The following ADCY5 variants were observed in gnomAD, a reference collection of about 807,000 sequenced individuals.
ADCY5 encodes adenylate cyclase type 5.
In ADCY5, 30 loss-of-function variants were observed where a neutral mutation model predicts 119.7. That is an observed-to-expected ratio of 0.25 (90% CI 0.19 to 0.34). The LOEUF (loss-of-function observed/expected upper bound fraction) is 0.34. Among genes scored for constraint, ADCY5 ranks in the 10% least tolerant of loss-of-function variants. ADCY5 has a pLI of 1.00. For synonymous variants in ADCY5, 753 were observed against 762.2 expected (o/e 0.99, Z 0.20); for missense variants, 1,324 against 1,775.2 (o/e 0.75, Z 4.57).
chr3:123,327,564 G>A lies in ADCY5; in HGVS notation c.1947+54C>T, dbSNP rs1010644734. On this transcript the variant is annotated intron_variant, in intron 7 of 20. Coordinates refer to ENST00000462833, the MANE Select transcript of ADCY5 (RefSeq NM_183357.3). Reference sequence around the variant, plus strand: ...GAAGGAAGCAGCAGGTCACGAAAATGTTCCTCCCTGGAGGAAGGGAGCCCC... The same window carrying A: ...GAAGGAAGCAGCAGGTCACGAAAATATTCCTCCCTGGAGGAAGGGAGCCCC... 3.9e-6 allele frequency: 6 copies of A among 1,533,444 alleles called. No individual in the cohort carries two copies. The African/African-American group carries it at 4.1e-5, about 11-fold the overall frequency. 95.0% of individuals were successfully genotyped at this position (1,533,444 alleles called of 1,614,324 possible).
intron 12 of ADCY5, among the ~76,000 whole-genome samples, chr3:123,313,557 G>T (rs977120319): frequency 1.3e-5 from 2 of 152,314 alleles, no homozygotes; most frequent in East Asian, 1.9e-4. Context: ...TGAGGGAAAG[G>T]CCTGATGGGC....
chr3:123,355,311 T>C (rs199666387), intron 1 of ADCY5, among the ~76,000 whole-genome samples: 2 of 152,226 alleles, frequency 1.3e-5, no homozygotes, highest in East Asian at 1.9e-4. Flanking sequence ...TATGAGTAAA[T>C]ACCAATTGGA....
At position 123,414,564 on chromosome 3, in the gene ADCY5, C is replaced by CT. The variant is rs200866043; in HGVS notation, c.1134+32847dup. Among the ~76,000 whole-genome samples the CT allele has an allele frequency of 5.0e-3, 747 of 149,144 alleles. 6 individuals carry two copies. Among genetic ancestry groups the CT allele is most frequent in the African/African-American group, 0.017 (697 of 40,734 alleles). On this transcript the variant is annotated intron_variant, in intron 1 of 20. Coordinates refer to ENST00000462833, the MANE Select transcript of ADCY5 (RefSeq NM_183357.3). Reference sequence around the variant, plus strand: ...GCTAGGGCTTGACCTTATGGCTTACCTTTTTTTTTTGAGACAAAGTCTGGC... The same window carrying CT: ...GCTAGGGCTTGACCTTATGGCTTACCTTTTTTTTTTTGAGACAAAGTCTGGC...
intron 3 of ADCY5, among the ~76,000 whole-genome samples, chr3:123,334,760 ATAAAT>A (rs1273426703): frequency 1.4e-4 from 21 of 152,338 alleles, no homozygotes; most frequent in African/African-American, 4.6e-4. Flanking sequence ...AAATAAATAA[ATAAAT>A]TAAATATTGA....
At position 123,283,371 on chromosome 3, in the gene ADCY5, T is replaced by TGAGA. The variant is rs1938498082; in HGVS notation, c.*1233_*1236dup. ...GGGCACCACACTGCCTGTCGCAGGA[T>TGAGA]GAGATTGCTTCCCTTGGTTCCAGCT... On this transcript the variant is annotated 3_prime_UTR_variant, in exon 21 of 21. Coordinates refer to ENST00000462833, the MANE Select transcript of ADCY5 (RefSeq NM_183357.3). The TGAGA allele has an allele frequency of 6.6e-6, 1 of 152,174 alleles. No individual in the cohort carries two copies. The highest frequency in any genetic ancestry group is 1.5e-5 in the Non-Finnish European group (1 of 68,022). The allele number at this position is 152,174 out of a possible 1,614,324, so 9.4% of individuals were successfully genotyped here.
chr3:123,294,773 G>A (rs1287715328), intron 17 of ADCY5, among the ~76,000 whole-genome samples: 1 of 152,216 alleles, frequency 6.6e-6, no homozygotes, highest in Non-Finnish European at 1.5e-5. Flanking sequence ...TGGGGAGGGT[G>A]CGCAGGGATG....
chr3:123,325,485 G>A (rs1941439255), intron 7 of ADCY5, 23 bp from the exon 8 acceptor site: 1 of 1,610,888 alleles, frequency 6.2e-7, no homozygotes, highest in African/African-American at 1.4e-5. Context: ...CACAGAGATG[G>A]GGGGAGATGA....
intron 1 of ADCY5, among the ~76,000 whole-genome samples, chr3:123,368,956 C>T (rs1943545153): frequency 6.6e-6 from 1 of 152,182 alleles, no homozygotes; most frequent in Non-Finnish European, 1.5e-5. Context: ...CCCAGACCCC[C>T]AGTTGCCTCT....
At chr3:123,404,307 T>C (rs1240882225) in intron 1 of ADCY5, 4 of 152,230 alleles carry the variant, frequency 2.6e-5, no homozygotes, top group Admixed American at 2.0e-4. Context: ...AGTTCCCTCT[T>C]CACCGAGCTT....
intron 9 of ADCY5, 89 bp downstream of exon 9, chr3:123,320,660 A>T: frequency 1.3e-6 from 2 of 1,526,146 alleles, no homozygotes; most frequent in South Asian, 2.2e-5. Flanking sequence ...GTCATTTTCC[A>T]TGGAGTGTGG....
At chr3:123,416,425 C>T (rs376395821) in intron 1 of ADCY5, 2 of 1,237,686 alleles carry the variant, frequency 1.6e-6, no homozygotes, top group South Asian at 1.6e-5. Context: ...CCCAAAGGGC[C>T]TCCCTGTCTC....
At chr3:123,314,680 G>A (rs182662185) in intron 11 of ADCY5, among the ~76,000 whole-genome samples, 2 of 152,308 alleles carry the variant, frequency 1.3e-5, no homozygotes, top group African/African-American at 4.8e-5. Flanking sequence ...ATTCACTGAT[G>A]TGCTTCATTT....
intron 1 of ADCY5, among the ~76,000 whole-genome samples, chr3:123,371,395 C>A (rs1255542287): frequency 1.3e-5 from 2 of 152,246 alleles, no homozygotes; most frequent in Non-Finnish European, 2.9e-5. Flanking sequence ...CACTGCCTAT[C>A]TAGGTTTAGT....
At chr3:123,317,596 G>A (rs1467095039) in intron 11 of ADCY5, among the ~76,000 whole-genome samples, 3 of 151,938 alleles carry the variant, frequency 2.0e-5, no homozygotes, top group Admixed American at 6.6e-5. Context: ...CTAGCCAGGC[G>A]TGGTGGTAGG....
intron 1 of ADCY5, among the ~76,000 whole-genome samples, chr3:123,375,101 A>ATGGAGGTGGTG (rs1943780187): frequency 1.3e-5 from 2 of 152,150 alleles, no homozygotes; most frequent in African/African-American, 4.8e-5. Context: ...TCCCCTGGTG[A>ATGGAGGTGGTG]CACCTCCACC....
Position 123,416,313 on chromosome 3 carries a change from G to A in ADCY5, c.1134+31099C>T, listed in dbSNP as rs774818082. ...ACGCTTCCCCAAAAAGGGGCTAAAG[G>A]CAATAACCTCCTTCCCTAGGACATT... On this transcript the variant is annotated intron_variant, in intron 1 of 20. Coordinates refer to ENST00000462833, the MANE Select transcript of ADCY5 (RefSeq NM_183357.3). 3 of 1,535,824 alleles carry A rather than the reference G, an allele frequency of 2.0e-6. No homozygotes were observed. The South Asian group carries it at 3.6e-5, about 18-fold the overall frequency.
chr3:123,416,431 GTC>G, intron 1 of ADCY5: 1 of 1,203,738 alleles, frequency 8.3e-7, no homozygotes, highest in Non-Finnish European at 1.1e-6. Flanking sequence ...GGGCCTCCCT[GTC>G]TCTGATTTGA....
chr3:123,407,589 TAAAAAA>T (rs35895488), intron 1 of ADCY5, among the ~76,000 whole-genome samples: 1 of 94,174 alleles, frequency 1.1e-5, no homozygotes, highest in Non-Finnish European at 2.0e-5. Flanking sequence ...CTATCTCTAC[TAAAAAA>T]AAAAAAAAAA....
chr3:123,331,937 G>A (rs1941783600), intron 4 of ADCY5, among the ~76,000 whole-genome samples: 1 of 152,176 alleles, frequency 6.6e-6, no homozygotes. Context: ...CAAGGGGAAT[G>A]TGTCCACCCG....
Sources: allele counts gnomAD v4.1 joint callset (sites outside exome capture counted in the v4.1 genomes callset), GRCh38; gene constraint gnomAD v4.1.1; transcripts MANE v1.5; gene names NCBI Gene and HGNC (gene_info 2026-07-23, HGNC 2026-07-21).